Variants in SWAP70 observed in about 807,000 individuals in gnomAD.
SWAP70 encodes the protein switching B cell complex subunit SWAP70.
Under a neutral mutation model 80.2 loss-of-function variants are expected in SWAP70, and 34 were observed. The observed-to-expected ratio is 0.42, with a 90% CI of 0.32 to 0.56. The LOEUF (loss-of-function observed/expected upper bound fraction) is 0.56, where lower values mean the gene tolerates loss of function less well. Among genes scored for constraint, SWAP70 ranks in the 20% least tolerant of loss-of-function variants. The pLI, the probability that SWAP70 is intolerant of heterozygous loss-of-function variation, is 0.09. For synonymous variants in SWAP70, 239 were observed against 238.5 expected, an observed-to-expected ratio of 1.00 and a Z score of -0.02; for missense variants, 578 against 690.7, an observed-to-expected ratio of 0.84 and a Z score of 1.83.
intron 1 of SWAP70, among the ~76,000 whole-genome samples, chr11:9,689,127 A>C (rs1850665910): frequency 1.3e-5 from 2 of 152,138 alleles, no homozygotes; most frequent in Non-Finnish European, 2.9e-5. Context: ...CCCATTACGC[A>C]CATCCTGTAA....
chr11:9,705,022 T>G (rs1242763960), intron 2 of SWAP70, among the ~76,000 whole-genome samples: 1 of 152,116 alleles, frequency 6.6e-6, no homozygotes, highest in Non-Finnish European at 1.5e-5. Context: ...TATACACTGG[T>G]GATCTGTATA....
At chr11:9,700,721 A>C (rs1437509344) in intron 2 of SWAP70, among the ~76,000 whole-genome samples, 1 of 152,202 alleles carries the variant, frequency 6.6e-6, no homozygotes, top group Non-Finnish European at 1.5e-5. Flanking sequence ...TTTAGGAATT[A>C]AGTTTTTTTC....
At chr11:9,678,157 G>C (rs978792682) in intron 1 of SWAP70, among the ~76,000 whole-genome samples, 1 of 152,126 alleles carries the variant, frequency 6.6e-6, no homozygotes, top group Non-Finnish European at 1.5e-5. Flanking sequence ...TTTGTGTTGT[G>C]TTTCTGCTAA....
intron 1 of SWAP70, among the ~76,000 whole-genome samples, chr11:9,671,593 TAAATATATTTATATAG>T (rs1290967898): frequency 0.4 from 13,458 of 33,536 alleles, 1,581 homozygotes; most frequent in Non-Finnish European, 0.51. Flanking sequence ...TTTCTATATA[TAAATATATTTATATAG>T]AAATATATTT....
chr11:9,693,642 A>G (rs1565117283), intron 1 of SWAP70, among the ~76,000 whole-genome samples: 2 of 152,298 alleles, frequency 1.3e-5, no homozygotes, highest in East Asian at 1.9e-4. Flanking sequence ...GGCCCTTTCT[A>G]TTGAATAAAT....
intron 1 of SWAP70, among the ~76,000 whole-genome samples, chr11:9,664,980 A>G (rs1164297010): frequency 6.6e-6 from 1 of 152,182 alleles, no homozygotes; most frequent in Non-Finnish European, 1.5e-5. Flanking sequence ...CTGCTTTTTC[A>G]GAGTCGTTAT....
chr11:9,667,312 C>G (rs1311735422), intron 1 of SWAP70, among the ~76,000 whole-genome samples: 1 of 151,748 alleles, frequency 6.6e-6, no homozygotes, highest in Admixed American at 6.6e-5. Flanking sequence ...AGTGCAGTTG[C>G]ACTATCTTGG....
intron 3 of SWAP70, 72 bp downstream of exon 3, chr11:9,713,711 G>A (rs1851029370): frequency 1.3e-6 from 2 of 1,494,946 alleles, no homozygotes; most frequent in African/African-American, 1.4e-5. Context: ...TATTTTTTCT[G>A]TTAATTCAGC....
chr11:9,697,455 G>A (rs1481483137), intron 2 of SWAP70, among the ~76,000 whole-genome samples: 2 of 151,792 alleles, frequency 1.3e-5, no homozygotes, highest in East Asian at 3.9e-4. Context: ...GCTATTTTTT[G>A]TATTTTTAGT....
chr11:9,724,875 T>C lies in SWAP70; in HGVS notation c.632T>C (p.Val211Ala). The change falls in exon 4 of 12, where the codon GTG (valine) becomes GCG (alanine). Residue 211 changes from valine (V) to alanine (A), a missense_variant. Physicochemically the swap from Val to Ala is moderately conservative, Grantham distance 64. Coordinates refer to ENST00000318950, the MANE Select transcript of SWAP70 (RefSeq NM_015055.4). ...NEVFNELILD[V>A]LKQGYMMKKG... ...GTCTTTAATGAACTTATATTAGATG[T>C]GTTAAAGCAGGTAAGAATTCTGTTA... The C allele has an allele frequency of 6.3e-7, 1 of 1,586,900 alleles. No homozygotes were observed. Among genetic ancestry groups the C allele is most frequent in the Non-Finnish European group, 8.6e-7 (1 of 1,162,278 alleles).
At chr11:9,703,108 C>A (rs1486099121) in intron 2 of SWAP70, among the ~76,000 whole-genome samples, 1 of 152,132 alleles carries the variant, frequency 6.6e-6, no homozygotes, top group African/African-American at 2.4e-5. Context: ...TAGCTCTAGG[C>A]AAGTGCAAAT....
At chr11:9,729,836 G>A (rs11042487) in intron 6 of SWAP70, among the ~76,000 whole-genome samples, 1 of 152,182 alleles carries the variant, frequency 6.6e-6, no homozygotes, top group Admixed American at 6.5e-5. Flanking sequence ...AGGATGCTAA[G>A]GCGTTACTTC....
intron 8 of SWAP70, among the ~76,000 whole-genome samples, chr11:9,738,544 C>T (rs1290916409): frequency 2.0e-5 from 3 of 152,122 alleles, no homozygotes; most frequent in African/African-American, 7.2e-5. Context: ...TGGCAAAAGA[C>T]ATAAACCTTG....
chr11:9,677,353 AT>A (rs1484759995), intron 1 of SWAP70, among the ~76,000 whole-genome samples: 1 of 152,084 alleles, frequency 6.6e-6, no homozygotes, highest in Admixed American at 6.6e-5. Flanking sequence ...AAAAAAGGTT[AT>A]TATTTAAACA....
chr11:9,733,505 C>G (rs1156733188), intron 7 of SWAP70, among the ~76,000 whole-genome samples: 1 of 152,190 alleles, frequency 6.6e-6, no homozygotes, highest in Non-Finnish European at 1.5e-5. Context: ...GCTGAACTTC[C>G]TCTGAGTAGA....
intron 1 of SWAP70, among the ~76,000 whole-genome samples, chr11:9,678,543 CTTT>C (rs72123125): frequency 5.2e-5 from 4 of 77,206 alleles, no homozygotes; most frequent in Non-Finnish European, 8.4e-5. Context: ...CTCTGAGGTG[CTTT>C]TTTTTTTTTT....
At chr11:9,707,560 T>TC (rs953818797) in intron 2 of SWAP70, among the ~76,000 whole-genome samples, 4 of 148,554 alleles carry the variant, frequency 2.7e-5, no homozygotes, top group African/African-American at 9.9e-5. Flanking sequence ...TTCTTTTCTT[T>TC]TTTTTTTTTT....
At position 9,732,535 on chromosome 11, in the gene SWAP70, A is replaced by G. The variant is rs370228099; in HGVS notation, c.905A>G (p.His302Arg). The change falls in exon 7 of 12, where the codon CAT becomes CGT. Residue 302 changes from histidine (H) to arginine (R), a missense_variant. His to Arg is a conservative substitution (Grantham distance 29, BLOSUM62 0). Transcript: ENST00000318950. The stretch of plus-strand genomic sequence containing the variant: ...CCTCCTACACCTTTTACAGCCATTC[A>G]TTCTACTATTCATCTGTTGAAGCTG... The part of the protein sequence containing the change: ...KKKQEWIQAI[H>R]STIHLLKLGS... 1 of 1,604,726 alleles carries G rather than the reference A, an allele frequency of 6.2e-7. No individual in the cohort carries two copies. Among genetic ancestry groups the G allele is most frequent in the Non-Finnish European group, 8.5e-7 (1 of 1,174,844 alleles).
intron 2 of SWAP70, among the ~76,000 whole-genome samples, chr11:9,704,368 CTTT>C (rs60473855): frequency 6.8e-6 from 1 of 147,572 alleles, no homozygotes; most frequent in African/African-American, 2.5e-5. Flanking sequence ...CATCTTCCCT[CTTT>C]TTTTTTTTTT....
Sources: allele counts gnomAD v4.1 joint callset (sites outside exome capture counted in the v4.1 genomes callset), GRCh38; gene constraint gnomAD v4.1.1; transcripts MANE v1.5; gene names NCBI Gene and HGNC (gene_info 2026-07-23, HGNC 2026-07-21).